Variants in CTNNA3 observed in about 807,000 individuals in gnomAD.
CTNNA3 encodes catenin alpha-3.
In CTNNA3, 76 loss-of-function variants were observed where a neutral mutation model predicts 95.7. The ratio of observed to expected loss-of-function variants is 0.79; its 90% CI spans 0.66 to 0.96. The LOEUF (loss-of-function observed/expected upper bound fraction) is 0.96. CTNNA3 is among the 40% of genes least tolerant of loss of function. CTNNA3 has a pLI of 0.00. For missense variants in CTNNA3, 1,191 were observed against 1,089.8 expected, an observed-to-expected ratio of 1.09 and a Z score of -1.31; for synonymous variants, 431 against 374.4, an observed-to-expected ratio of 1.15 and a Z score of -1.74.
intron 7 of CTNNA3, among the ~76,000 whole-genome samples, chr10:67,025,402 C>T (rs1853311646): frequency 6.6e-6 from 1 of 151,816 alleles, no homozygotes; most frequent in Non-Finnish European, 1.5e-5. Flanking sequence ...TTTTTACCTC[C>T]CCTATATAAT....
chr10:66,261,672 C>G (rs2091007261), intron 13 of CTNNA3, among the ~76,000 whole-genome samples: 1 of 151,910 alleles, frequency 6.6e-6, no homozygotes, highest in African/African-American at 2.4e-5. Context: ...ATATTTGTAT[C>G]CCCATTCCCA....
intron 9 of CTNNA3, among the ~76,000 whole-genome samples, chr10:66,748,925 C>T (rs1433824958): frequency 6.6e-6 from 1 of 151,670 alleles, no homozygotes; most frequent in East Asian, 1.9e-4. Flanking sequence ...GTAATCCCAG[C>T]ACTTTGGGAG....
At chr10:66,772,240 A>G (rs1840114967) in intron 8 of CTNNA3, among the ~76,000 whole-genome samples, 1 of 152,090 alleles carries the variant, frequency 6.6e-6, no homozygotes, top group African/African-American at 2.4e-5. Context: ...CCTGGCCAAC[A>G]TGGTGAAACC....
At chr10:66,719,959 G>C (rs1467042617) in intron 9 of CTNNA3, among the ~76,000 whole-genome samples, 1 of 152,144 alleles carries the variant, frequency 6.6e-6, no homozygotes, top group African/African-American at 2.4e-5. Context: ...AAAGTAGCAA[G>C]TGAAAGAAAA....
chr10:66,696,351 C>G (rs775904312), intron 9 of CTNNA3, among the ~76,000 whole-genome samples: 1 of 152,090 alleles, frequency 6.6e-6, no homozygotes, highest in South Asian at 2.1e-4. Flanking sequence ...TGAGGAGATA[C>G]AAAACTGAAA....
chr10:66,794,669 T>C (rs1157097539), intron 7 of CTNNA3, among the ~76,000 whole-genome samples: 4 of 152,118 alleles, frequency 2.6e-5, no homozygotes, highest in Admixed American at 2.6e-4. Flanking sequence ...AACTAGGAAG[T>C]CTCCTGCATC....
At chr10:67,605,161 G>A (rs1432357485) in intron 3 of CTNNA3, among the ~76,000 whole-genome samples, 3 of 152,204 alleles carry the variant, frequency 2.0e-5, no homozygotes, top group South Asian at 2.1e-4. Context: ...CAGATGAATC[G>A]ATAAAGAAAT....
intron 6 of CTNNA3, 94 bp from the exon 7 acceptor site, chr10:67,180,614 A>G: frequency 1.0e-6 from 1 of 999,264 alleles, no homozygotes; most frequent in South Asian, 1.4e-5. Context: ...TAGAATTCAG[A>G]TGTGATAATA....
chr10:67,645,869 T>C (rs1174769140), intron 2 of CTNNA3, among the ~76,000 whole-genome samples: 2 of 150,344 alleles, frequency 1.3e-5, no homozygotes, highest in Non-Finnish European at 3.0e-5. Context: ...AAATATCATT[T>C]AAAATGGAAA....
At chr10:66,078,112 C>G (rs185409168) in intron 14 of CTNNA3, among the ~76,000 whole-genome samples, 58 of 151,958 alleles carry the variant, frequency 3.8e-4, no homozygotes, top group African/African-American at 1.3e-3. Context: ...TTCTGAGGCA[C>G]TGAATTACAT....
At chr10:66,051,794 A>C (rs987726585) in intron 15 of CTNNA3, among the ~76,000 whole-genome samples, 6 of 152,148 alleles carry the variant, frequency 3.9e-5, no homozygotes, top group Non-Finnish European at 8.8e-5. Context: ...CCCTTTCCTA[A>C]CATCTTAGGT....
chr10:67,351,151 T>C (rs1385294523), intron 5 of CTNNA3, among the ~76,000 whole-genome samples: 1 of 151,888 alleles, frequency 6.6e-6, no homozygotes, highest in Non-Finnish European at 1.5e-5. Flanking sequence ...CTCATTCATA[T>C]AACATTCTGG....
intron 7 of CTNNA3, among the ~76,000 whole-genome samples, chr10:67,025,982 A>G (rs1222122845): frequency 1.3e-5 from 2 of 151,172 alleles, no homozygotes; most frequent in African/African-American, 2.5e-5. Flanking sequence ...ATTGGAAATC[A>G]TCATTCTCAG....
intron 12 of CTNNA3, among the ~76,000 whole-genome samples, chr10:66,296,934 T>C (rs1353392335): frequency 6.6e-6 from 1 of 152,202 alleles, no homozygotes; most frequent in East Asian, 1.9e-4. Context: ...ATGTTATTTT[T>C]GCCCCACTGA....
At chr10:67,337,176 T>A (rs1360717833) in intron 5 of CTNNA3, among the ~76,000 whole-genome samples, 1 of 152,072 alleles carries the variant, frequency 6.6e-6, no homozygotes, top group Admixed American at 6.6e-5. Context: ...TAGATGCCAT[T>A]AAGAGCATTC....
chr10:66,961,313 C>T (rs1925564), intron 7 of CTNNA3, among the ~76,000 whole-genome samples: 34,296 of 152,030 alleles, frequency 0.23, 4,129 homozygotes, highest in East Asian at 0.36. Context: ...AAAACTGCTC[C>T]CCTTAAGGCC....
intron 9 of CTNNA3, among the ~76,000 whole-genome samples, chr10:66,744,001 G>GAAAAAAAAAAAAAAAAAAAAAAAAAAA (rs1849418822): frequency 7.2e-6 from 1 of 138,914 alleles, no homozygotes. Context: ...AAAAAAAAAG[G>GAAAAAAAAAAAAAAAAAAAAAAAAAAA]AAAGAAGGAG....
At chr10:67,472,338 GCAGGACTAGTTTCCAAGACAA>G (rs1847859109) in intron 5 of CTNNA3, among the ~76,000 whole-genome samples, 2 of 152,130 alleles carry the variant, frequency 1.3e-5, no homozygotes, top group African/African-American at 4.8e-5. Flanking sequence ...TAAAAATGCA[GCAGGACTAGTTTCCAAGACAA>G]CAGGTCACAA....
chr10:66,539,881 CA>C (rs1841787729), intron 10 of CTNNA3, among the ~76,000 whole-genome samples: 1 of 152,080 alleles, frequency 6.6e-6, no homozygotes, highest in African/African-American at 2.4e-5. Context: ...TATTCATAGG[CA>C]CATTAAATAT....
Sources: allele counts gnomAD v4.1 joint callset (sites outside exome capture counted in the v4.1 genomes callset), GRCh38; gene constraint gnomAD v4.1.1; transcripts MANE v1.5; gene names NCBI Gene and HGNC (gene_info 2026-07-23, HGNC 2026-07-21).